DAB2IP: variants seen among roughly 807,000 people sequenced by gnomAD.
DAB2IP encodes DAB2 interacting protein.
Under a neutral mutation model 107.2 loss-of-function variants are expected in DAB2IP, and 28 were observed. The observed-to-expected ratio is 0.26, with a 90% CI of 0.19 to 0.36. DAB2IP has a LOEUF of 0.36. Among genes scored for constraint, DAB2IP ranks in the 10% least tolerant of loss-of-function variants. DAB2IP has a pLI of 1.00. For synonymous variants in DAB2IP, 755 were observed against 706.4 expected (o/e 1.07, Z -1.09); for missense variants, 1,400 against 1,644.7 (o/e 0.85, Z 2.57).
At chr9:121,704,925 T>C (rs1336789347) in intron 3 of DAB2IP, among the ~76,000 whole-genome samples, 1 of 152,146 alleles carries the variant, frequency 6.6e-6, no homozygotes, top group Non-Finnish European at 1.5e-5. Flanking sequence ...CCCTCTCAAC[T>C]GCAGCATTGT....
chr9:121,606,638 A>C (rs1830883969), intron 1 of DAB2IP, among the ~76,000 whole-genome samples: 1 of 152,102 alleles, frequency 6.6e-6, no homozygotes, highest in Admixed American at 6.5e-5. Context: ...CTCCCAATTC[A>C]GAGTGAGGAT....
intron 3 of DAB2IP, among the ~76,000 whole-genome samples, chr9:121,716,988 A>G (rs1401019694): frequency 1.3e-5 from 2 of 152,198 alleles, no homozygotes; most frequent in African/African-American, 4.8e-5. Flanking sequence ...AGACTGTTTC[A>G]GCGAAGGCAA....
intron 2 of DAB2IP, among the ~76,000 whole-genome samples, chr9:121,692,672 TG>T (rs1277219837): frequency 1.3e-5 from 2 of 152,152 alleles, no homozygotes; most frequent in Non-Finnish European, 2.9e-5. Flanking sequence ...GGGCATAGGG[TG>T]GCCTGTGAGT....
chr9:121,679,624 T>A (rs918468475), intron 2 of DAB2IP, among the ~76,000 whole-genome samples: 7 of 152,068 alleles, frequency 4.6e-5, no homozygotes, highest in Non-Finnish European at 7.4e-5. Flanking sequence ...ATCCATTCAT[T>A]CACTCATCAG....
intron 1 of DAB2IP, among the ~76,000 whole-genome samples, chr9:121,642,031 CTTTCTTTCTT>C (rs1235834026): frequency 4.5e-4 from 9 of 20,102 alleles, no homozygotes; most frequent in Non-Finnish European, 7.6e-4. Context: ...CTCTCTCTCT[CTTTCTTTCTT>C]TCTTTCTTTC....
intron 1 of DAB2IP, among the ~76,000 whole-genome samples, chr9:121,629,832 T>C (rs1481242254): frequency 1.3e-5 from 2 of 152,040 alleles, no homozygotes; most frequent in African/African-American, 4.8e-5. Context: ...AGGCCAGAAT[T>C]TGGGTTCTGA....
At chr9:121,672,289 C>T (rs1486429022) in intron 1 of DAB2IP, among the ~76,000 whole-genome samples, 2 of 152,158 alleles carry the variant, frequency 1.3e-5, no homozygotes, top group Admixed American at 6.5e-5. Context: ...TTTCTCCTGA[C>T]GTTAGCGTTA....
intron 10 of DAB2IP, 121 bp from the exon 11 acceptor site, chr9:121,770,425 A>T: frequency 2.8e-6 from 3 of 1,090,530 alleles, no homozygotes; most frequent in Non-Finnish European, 3.9e-6. Flanking sequence ...GACTGGCAGC[A>T]GGTGGGGATC....
At chr9:121,715,546 G>C (rs542064235) in intron 3 of DAB2IP, among the ~76,000 whole-genome samples, 81 of 151,898 alleles carry the variant, frequency 5.3e-4, no homozygotes, top group Non-Finnish European at 9.7e-4. Context: ...GTACAGACAG[G>C]GTTTCACTGT....
At chr9:121,675,312 A>G (rs1833854303) in intron 1 of DAB2IP, among the ~76,000 whole-genome samples, 1 of 152,202 alleles carries the variant, frequency 6.6e-6, no homozygotes, top group African/African-American at 2.4e-5. Flanking sequence ...GAGGTGGGAC[A>G]TTCCTGCATC....
At chr9:121,600,841 G>GT (rs1830665314) in intron 1 of DAB2IP, among the ~76,000 whole-genome samples, 1 of 152,256 alleles carries the variant, frequency 6.6e-6, no homozygotes, top group South Asian at 2.1e-4. Context: ...ATATAGGGAG[G>GT]TTTTTTCGAG....
intron 1 of DAB2IP, among the ~76,000 whole-genome samples, chr9:121,577,499 G>A (rs1267699804): frequency 2.0e-5 from 3 of 152,234 alleles, no homozygotes; most frequent in Non-Finnish European, 4.4e-5. Flanking sequence ...GTCTCCTCAG[G>A]AGCCCGTGAG....
chr9:121,637,586 A>G (rs1003981978), intron 1 of DAB2IP, among the ~76,000 whole-genome samples: 4 of 152,084 alleles, frequency 2.6e-5, no homozygotes, highest in South Asian at 4.2e-4. Context: ...GGGAGGGGAG[A>G]GGGATTGGGA....
exon 16 of DAB2IP, chr9:121,783,697 C>A: frequency 9.4e-7 from 1 of 1,064,960 alleles, no homozygotes; most frequent in Non-Finnish European, 1.4e-6. Flanking sequence ...GTGTGGCCGG[C>A]CTCCTCCTCA....
chr9:121,773,258 T>C, exon 12 of DAB2IP: 4 of 1,544,434 alleles, frequency 2.6e-6, no homozygotes, highest in Non-Finnish European at 2.6e-6. Flanking sequence ...GGCAGAACAG[T>C]GCTGGCCCCC....
At position 121,756,301 on chromosome 9, in the gene DAB2IP, G is replaced by A. The variant is rs151223555; in HGVS notation, c.363-712G>A. Reference sequence around the variant, plus strand: ...AGCAGCGGGCCCAGGTCTGGTCTGCGTTTGGGTGCCGGGTGGCATCAGCCC... The same window carrying A: ...AGCAGCGGGCCCAGGTCTGGTCTGCATTTGGGTGCCGGGTGGCATCAGCCC... On this transcript the variant is annotated intron_variant, in intron 3 of 15. Transcript: ENST00000408936. Among the ~76,000 whole-genome samples, 315 of 152,326 alleles carry A rather than the reference G, an allele frequency of 2.1e-3. 4 individuals carry two copies. Among genetic ancestry groups the A allele is most frequent in the Non-Finnish European group, 1.9e-3 (132 of 68,028 alleles).
intron 1 of DAB2IP, among the ~76,000 whole-genome samples, chr9:121,668,232 C>T (rs1207113782): frequency 1.0e-4 from 15 of 148,830 alleles, no homozygotes; most frequent in Admixed American, 6.7e-4. Context: ...CTTGCTTTGT[C>T]GCTAGGCTGT....
chr9:121,721,703 G>A (rs1181114152), intron 3 of DAB2IP, among the ~76,000 whole-genome samples: 3 of 152,246 alleles, frequency 2.0e-5, no homozygotes, highest in East Asian at 1.9e-4. Context: ...TCAACACTGT[G>A]TGGGCTAAAC....
chr9:121,687,894 C>T (rs760581228), intron 2 of DAB2IP, among the ~76,000 whole-genome samples: 2 of 152,186 alleles, frequency 1.3e-5, no homozygotes, highest in East Asian at 1.9e-4. Context: ...CTTCATCTTA[C>T]GGACGAGGAT....
Sources: gnomAD v4.1 joint callset for allele counts (sites outside exome capture counted in the v4.1 genomes callset) on GRCh38, gnomAD v4.1.1 for gene constraint, MANE v1.5 for transcripts, NCBI Gene and HGNC (gene_info 2026-07-23, HGNC 2026-07-21) for gene names.